The following CCDC50 variants were observed in gnomAD, a reference collection of about 807,000 sequenced individuals.
The protein encoded by CCDC50 is coiled-coil domain-containing protein 50.
A neutral mutation model predicts 70.2 loss-of-function variants in CCDC50; 54 were observed. The observed-to-expected ratio is 0.77, with a 90% CI of 0.62 to 0.96. CCDC50 has a LOEUF of 0.96. CCDC50 is among the 50% of genes least tolerant of loss of function. The pLI is 0.00. For synonymous variants in CCDC50, 216 were observed against 198.8 expected (o/e 1.09, Z -0.73); for missense variants, 558 against 578.7 (o/e 0.96, Z 0.37).
At chr3:191,354,525 A>G (rs1576956413) in intron 1 of CCDC50, among the ~76,000 whole-genome samples, 1 of 152,360 alleles carries the variant, frequency 6.6e-6, no homozygotes, top group East Asian at 1.9e-4. Flanking sequence ...GCATGGTATT[A>G]GAAACATAGA....
At chr3:191,347,420 A>G (rs1387154024) in intron 1 of CCDC50, among the ~76,000 whole-genome samples, 1 of 126,652 alleles carries the variant, frequency 7.9e-6, no homozygotes, top group Non-Finnish European at 1.8e-5. Context: ...CTCAGCACAT[A>G]CTGCTTTATC....
rs1713936325 is a variant in CCDC50 at position 191,398,569 on chromosome 3, T to C, written c.*6809T>C. 6.6e-6 allele frequency: 1 copy of C among 152,236 alleles called. No homozygotes were observed. The highest frequency in any genetic ancestry group is 6.5e-5 in the Admixed American group (1 of 15,284). The allele number at this position is 152,236 out of a possible 1,614,324, so 9.4% of individuals were successfully genotyped here. On this transcript the variant is annotated 3_prime_UTR_variant, in exon 12 of 12. Transcript: ENST00000392455. ...TGTTTAGTAACAGTGAAATTTTTTC[T>C]TACTCCATTTCCATACACTTTCTGT... is the stretch of plus-strand genomic sequence containing the variant.
At chr3:191,358,392 T>G (rs1712367879) in intron 3 of CCDC50, among the ~76,000 whole-genome samples, 2 of 152,200 alleles carry the variant, frequency 1.3e-5, no homozygotes, top group African/African-American at 4.8e-5. Context: ...TTAGTCAACT[T>G]CTCTGAATTT....
chr3:191,351,765 C>G lies in CCDC50; in HGVS notation c.50-5323C>G, dbSNP rs959370707. On this transcript the variant is annotated intron_variant, in intron 1 of 11. Transcript: ENST00000392455. ...TTCAGGTAAGTTGTATACCAGGAAGCCTATGTAAAAAAAGAACCAATTCCT... is the reference window on the plus strand; with the variant it reads ...TTCAGGTAAGTTGTATACCAGGAAGGCTATGTAAAAAAAGAACCAATTCCT... 3.6e-5 allele frequency among the ~76,000 whole-genome samples: 5 copies of G among 140,730 alleles called. 1 individual carries two copies. Among genetic ancestry groups the G allele is most frequent in the Middle Eastern group, 3.3e-3 (1 of 300 alleles). The allele number at this position is 140,730 out of a possible 152,430, so 92.3% of individuals were successfully genotyped here. A position where few individuals can be genotyped will look rare whatever the true frequency, so the allele number is the denominator to read the frequency against.
Position 191,380,811 on chromosome 3 carries a change from G to A in CCDC50, c.1138-17G>A, listed in dbSNP as rs1258138766. 2 of 1,609,136 alleles carry A rather than the reference G, an allele frequency of 1.2e-6. No individual in the cohort carries two copies. Among genetic ancestry groups the A allele is most frequent in the South Asian group, 1.1e-5 (1 of 90,952 alleles). On this transcript the variant is annotated splice_polypyrimidine_tract_variant and intron_variant, in intron 8 of 11. Transcript: ENST00000392455. ...CTGCACCTCTGCAGTTAATGATATT[G>A]ACTGTATTTTGTTTAGGAAATCGCT...
chr3:191,378,362 T>C (rs1713189132), intron 6 of CCDC50, among the ~76,000 whole-genome samples: 1 of 152,130 alleles, frequency 6.6e-6, no homozygotes, highest in Admixed American at 6.6e-5. Flanking sequence ...TTAATAAAAC[T>C]GAAAGTGAAA....
intron 1 of CCDC50, among the ~76,000 whole-genome samples, chr3:191,352,198 C>A (rs544049441): frequency 9.8e-5 from 14 of 142,216 alleles, no homozygotes; most frequent in African/African-American, 3.3e-4. Context: ...TATTTCATCT[C>A]AGTGATGGCT....
At chr3:191,381,097 A>G (rs988195791) in intron 9 of CCDC50, among the ~76,000 whole-genome samples, 165 bp downstream of exon 9, 5 of 152,158 alleles carry the variant, frequency 3.3e-5, no homozygotes, top group African/African-American at 7.2e-5. Context: ...CACCATGAAA[A>G]ATCACTGAAT....
chr3:191,380,848 G>T lies in CCDC50; in HGVS notation c.1158G>T (p.Met386Ile). 1 of 1,612,838 alleles carries T rather than the reference G, an allele frequency of 6.2e-7. No individual in the cohort carries two copies. Among genetic ancestry groups the T allele is most frequent in the Non-Finnish European group, 8.5e-7 (1 of 1,179,208 alleles). Reference sequence around the variant, plus strand: ...TTTAGGAAATCGCTCGACTTCTAATGGCTGAAGAAAAGAAAGCTTACAAAA... The same window carrying T: ...TTTAGGAAATCGCTCGACTTCTAATTGCTGAAGAAAAGAAAGCTTACAAAA... ...AQDEEIARLL[M>I]AEEKKAYKKA... Residue 386 changes from methionine (M) to isoleucine (I), a missense_variant, in exon 9 of 12, where the codon ATG (methionine) becomes ATT (isoleucine). Met to Ile is a conservative substitution (Grantham distance 10). Coordinates refer to ENST00000392455, the MANE Select transcript of CCDC50 (RefSeq NM_178335.3).
At chr3:191,383,313 T>C (rs1337794831) in intron 10 of CCDC50, among the ~76,000 whole-genome samples, 1 of 152,150 alleles carries the variant, frequency 6.6e-6, no homozygotes, top group Non-Finnish European at 1.5e-5. Flanking sequence ...GGCTATGGTG[T>C]ACATACTTTC....
At chr3:191,329,857 G>A (rs1368217532) in intron 1 of CCDC50, 134 bp downstream of exon 1, 4 of 737,706 alleles carry the variant, frequency 5.4e-6, no homozygotes, top group Non-Finnish European at 8.3e-6. Flanking sequence ...TTGCCCGGAC[G>A]TGAAAGGAAT....
At chr3:191,361,180 C>T (rs777323210) in intron 4 of CCDC50, 21 bp downstream of exon 4, 7 of 1,566,216 alleles carry the variant, frequency 4.5e-6, no homozygotes, top group South Asian at 1.1e-5. Context: ...GTTACTGCCC[C>T]TCTCCCTCAT....
At position 191,344,767 on chromosome 3, in the gene CCDC50, C is replaced by T. The variant is rs899124663; in HGVS notation, c.50-12321C>T. 3.9e-5 allele frequency among the ~76,000 whole-genome samples: 6 copies of T among 152,098 alleles called. No individual in the cohort carries two copies. The East Asian group carries it at 9.6e-4, about 24-fold the overall frequency. ...CTAATTTTTTGTATTTTTGTGGAGA[C>T]GAGATTTCACTCTGTTGCCCAGGCT... On this transcript the variant is annotated intron_variant, in intron 1 of 11. Coordinates refer to ENST00000392455, the MANE Select transcript of CCDC50 (RefSeq NM_178335.3).
At chr3:191,374,152 G>A (rs1434209217) in intron 5 of CCDC50, among the ~76,000 whole-genome samples, 1 of 152,092 alleles carries the variant, frequency 6.6e-6, no homozygotes, top group Non-Finnish European at 1.5e-5. Context: ...AAGTGCATAT[G>A]CATTTGCTGC....
rs1157857489 is a variant in CCDC50, at chr3:191,396,881, C to T, written c.*5121C>T. The T allele has an allele frequency of 6.6e-6, 1 of 152,152 alleles. No homozygotes were observed. Among genetic ancestry groups the T allele is most frequent in the Non-Finnish European group, 1.5e-5 (1 of 68,022 alleles). The allele number at this position is 152,152 out of a possible 1,614,324, so 9.4% of individuals were successfully genotyped here. On this transcript the variant is annotated 3_prime_UTR_variant, in exon 12 of 12. Transcript: ENST00000392455. ...TGGCCCTAAAAACCATTCTCTTTCC[C>T]TTATATATATAAATATGTGAACACT... is the stretch of plus-strand genomic sequence containing the variant.
At chr3:191,343,647 G>GT (rs1476067337) in intron 1 of CCDC50, among the ~76,000 whole-genome samples, 2 of 152,168 alleles carry the variant, frequency 1.3e-5, no homozygotes, top group African/African-American at 2.4e-5. Context: ...AAATGCAGTT[G>GT]TTTTTTAAAG....
At chr3:191,380,418 G>C (rs541220275) in intron 7 of CCDC50, 144 bp downstream of exon 7, 92 of 715,786 alleles carry the variant, frequency 1.3e-4, no homozygotes, top group Non-Finnish European at 5.0e-6. Flanking sequence ...AATAGGAATA[G>C]AGTATCCACT....
chr3:191,382,920 G>T, intron 10 of CCDC50, 95 bp downstream of exon 10: 2 of 906,346 alleles, frequency 2.2e-6, no homozygotes, highest in Non-Finnish European at 3.6e-6. Flanking sequence ...TTTTTGGAGA[G>T]GAGATCCAAA....
chr3:191,345,047 T>G (rs974986958), intron 1 of CCDC50, among the ~76,000 whole-genome samples: 1 of 152,158 alleles, frequency 6.6e-6, no homozygotes, highest in Non-Finnish European at 1.5e-5. Context: ...AGGAATCAAT[T>G]TGATGGGCAC....
Sources: allele counts gnomAD v4.1 joint callset (sites outside exome capture counted in the v4.1 genomes callset), GRCh38; gene constraint gnomAD v4.1.1; transcripts MANE v1.5; gene names NCBI Gene and HGNC (gene_info 2026-07-23, HGNC 2026-07-21).